The following LONRF1 variants were observed in gnomAD, a reference collection of about 807,000 sequenced individuals.
LONRF1 encodes LON peptidase N-terminal domain and RING finger protein 1.
Under a neutral mutation model 85.8 loss-of-function variants are expected in LONRF1, and 37 were observed. The observed-to-expected ratio is 0.43, with a 90% confidence interval of 0.33 to 0.57. LONRF1 has a LOEUF of 0.57. Among genes scored for constraint, LONRF1 ranks in the 20% least tolerant of loss-of-function variants. The pLI is 0.04. For synonymous variants in LONRF1, 517 were observed against 390.1 expected (o/e 1.33, Z -3.83); for missense variants, 1,036 against 978.0 (o/e 1.06, Z -0.79).
At chr8:12,752,891 T>A (rs1454774355) in intron 1 of LONRF1, 1 of 152,260 alleles carries the variant, frequency 6.6e-6, no homozygotes, top group Non-Finnish European at 1.5e-5. Context: ...AAACATGTGC[T>A]ATAAGGCAGG....
chr8:12,738,071 C>T lies in LONRF1; in HGVS notation c.1037G>A (p.Cys346Tyr), dbSNP rs1165405048. ...AAAATCAAAAGGTCTGTTTTTAGTA[C>T]ATGGTAATGAACTCCAGGAAGATTC... ...LKESSWSSLP[C>Y]TKNRPFDFHS... is the part of the protein sequence containing the mutation. Residue 346 changes from cysteine to tyrosine, a missense_variant, in exon 4 of 12, where the codon TGT (cysteine) becomes TAT (tyrosine). Cys to Tyr is a radical substitution (Grantham distance 194). This residue lies in a region of LONRF1 where 742 missense variants were observed against 614.4 expected (regional missense o/e 1.21). Coordinates refer to ENST00000398246, the MANE Select transcript of LONRF1 (RefSeq NM_152271.5). The T allele has an allele frequency of 1.9e-6, 3 of 1,610,250 alleles. No homozygotes were observed. The highest frequency in any genetic ancestry group is 2.2e-5 in the East Asian group (1 of 44,760).
chr8:12,737,845 G>C, intron 4 of LONRF1, 150 bp downstream of exon 4: 1 of 695,458 alleles, frequency 1.4e-6, no homozygotes, highest in African/African-American at 1.9e-5. Context: ...TTAGTGTAAA[G>C]TAAAGGCTAT....
intron 11 of LONRF1, among the ~76,000 whole-genome samples, chr8:12,724,466 T>C (rs1806074764): frequency 6.6e-6 from 1 of 152,168 alleles, no homozygotes; most frequent in Admixed American, 6.5e-5. Context: ...CTGACTTCTG[T>C]AGGTGACATC....
intron 6 of LONRF1, among the ~76,000 whole-genome samples, chr8:12,736,369 T>C (rs1015038763): frequency 3.9e-5 from 6 of 152,186 alleles, no homozygotes; most frequent in Admixed American, 3.9e-4. Flanking sequence ...ACCATGGAGA[T>C]AGGTAAGTTT....
At chr8:12,736,551 G>GAA (rs1471420007) in intron 6 of LONRF1, 150 bp downstream of exon 6, 9 of 579,370 alleles carry the variant, frequency 1.6e-5, no homozygotes, top group Non-Finnish European at 2.6e-5. Context: ...CCCAAGGCAT[G>GAA]AAAGGTAAAC....
In LONRF1 at chr8:12,722,116, C is replaced by T. The variant is rs2117202757; in HGVS notation, c.*980G>A. On this transcript the variant is annotated 3_prime_UTR_variant, in exon 12 of 12. Transcript: ENST00000398246. Reference sequence around the variant, plus strand: ...ATGAATAAGGCATAACTAACATTTGCACCGAGACCAGAATTAAAAACAAAA... The same window carrying T: ...ATGAATAAGGCATAACTAACATTTGTACCGAGACCAGAATTAAAAACAAAA... 1 of 152,638 alleles carries T rather than the reference C, an allele frequency of 6.6e-6. No homozygotes were observed. The highest frequency in any genetic ancestry group is 2.1e-4 in the South Asian group (1 of 4,822). 9.5% of individuals were successfully genotyped at this position (152,638 alleles called of 1,614,324 possible). A position where few individuals can be genotyped will look rare whatever the true frequency, so the allele number is the denominator to read the frequency against.
chr8:12,731,933 T>A, intron 7 of LONRF1, 76 bp from the exon 8 acceptor site: 1 of 1,341,960 alleles, frequency 7.5e-7, no homozygotes, highest in South Asian at 1.4e-5. Flanking sequence ...TTAACTGATA[T>A]ATTAAAGCCT....
rs1218314543 is a variant in LONRF1 at position 12,755,393 on chromosome 8, A to C, written c.28T>G (p.Ser10Ala). The C allele has an allele frequency of 8.5e-7, 1 of 1,174,176 alleles. No homozygotes were observed. Among genetic ancestry groups the C allele is most frequent in the Non-Finnish European group, 1.1e-6 (1 of 951,130 alleles). The allele number at this position is 1,174,176 out of a possible 1,614,324, so 72.7% of individuals were successfully genotyped here. Residue 10 changes from serine to alanine, a missense_variant, in exon 1 of 12, where the codon TCC becomes GCC. Physicochemically the swap from Ser to Ala is moderately conservative, Grantham distance 99 (BLOSUM62 1). This residue lies in a region of LONRF1 where 742 missense variants were observed against 614.4 expected (regional missense o/e 1.21). Transcript: ENST00000398246. ...GCCATCTCCCGACTCCCTCCTGGGG[A>C]GGTCCTCGCCACCGCCGGAGAGGAC... MSSPAVART[S>A]PGGSREMAPA...
intron 1 of LONRF1, among the ~76,000 whole-genome samples, chr8:12,750,429 T>A (rs187015056): frequency 7.2e-5 from 11 of 152,312 alleles, no homozygotes; most frequent in Admixed American, 3.3e-4. Flanking sequence ...CTTTAATTTA[T>A]AAATTAGGTG....
chr8:12,736,831 A>G (rs1416801778), intron 5 of LONRF1, 34 bp from the exon 6 acceptor site: 9 of 1,585,424 alleles, frequency 5.7e-6, no homozygotes, highest in South Asian at 2.3e-5. Flanking sequence ...TTTCTTCCTT[A>G]GGAAAAACTT....
rs981361924 is a variant in LONRF1, at chr8:12,755,146, C to A, written c.275G>T (p.Cys92Phe). ...GCGGAGCCGGTAGTTGAACACCAGGCAGTCCACCAGGGCGCCCAGGCACTC... is the reference window on the plus strand; with the variant it reads ...GCGGAGCCGGTAGTTGAACACCAGGAAGTCCACCAGGGCGCCCAGGCACTC... Reference protein sequence around the residue: ...RPECLGALVDCLVFNYRLRHG... With the variant: ...RPECLGALVDFLVFNYRLRHG... The change falls in exon 1 of 12, where the codon TGC (cysteine) becomes TTC (phenylalanine). Residue 92 changes from cysteine to phenylalanine, a missense_variant. Cys to Phe is a radical substitution (Grantham distance 205). This residue lies in a region of LONRF1 where 742 missense variants were observed against 614.4 expected (regional missense o/e 1.21). Coordinates refer to ENST00000398246, the MANE Select transcript of LONRF1 (RefSeq NM_152271.5). 5.6e-6 allele frequency: 8 copies of A among 1,437,108 alleles called. No individual in the cohort carries two copies. Among genetic ancestry groups the A allele is most frequent in the Non-Finnish European group, 7.3e-6 (8 of 1,097,818 alleles). 89.0% of individuals were successfully genotyped at this position (1,437,108 alleles called of 1,614,324 possible). A position where few individuals can be genotyped will look rare whatever the true frequency, so the allele number is the denominator to read the frequency against.
chr8:12,741,163 C>A (rs1798920156), intron 2 of LONRF1, among the ~76,000 whole-genome samples, 167 bp from the exon 3 acceptor site: 2 of 152,166 alleles, frequency 1.3e-5, no homozygotes, highest in Admixed American at 1.3e-4. Flanking sequence ...AAAGGTGGAT[C>A]ACTTGAGTTC....
chr8:12,738,227 T>C lies in LONRF1; in HGVS notation c.964-83A>G, dbSNP rs138014949. The C allele has an allele frequency of 5.4e-3, 5,023 of 936,680 alleles. 136 individuals are homozygous for C. The South Asian group carries it at 0.061, about 11-fold the overall frequency. The allele number at this position is 936,680 out of a possible 1,614,324, so 58.0% of individuals were successfully genotyped here. The stretch of plus-strand genomic sequence containing the variant: ...TTGTATAAATTTACCTAATAAAGAA[T>C]ATGTAGAAAGTTTGTAGCAGACATT... On this transcript the variant is annotated intron_variant, in intron 3 of 11. Transcript: ENST00000398246.
rs1380962874 is a variant in LONRF1, at chr8:12,730,417, T to G, written c.1689-1085A>C. ...AAAAGCTCATTTGTATTTTTGAGTT[T>G]TTTTCAAAATGACCATCAATTACTT... On this transcript the variant is annotated intron_variant, in intron 8 of 11. Coordinates refer to ENST00000398246, the MANE Select transcript of LONRF1 (RefSeq NM_152271.5). 2.6e-5 allele frequency among the ~76,000 whole-genome samples: 4 copies of G among 152,216 alleles called. No homozygotes were observed. The East Asian group carries it at 5.8e-4, about 22-fold the overall frequency.
chr8:12,728,821 T>G, intron 10 of LONRF1, 80 bp downstream of exon 10: 1 of 1,515,954 alleles, frequency 6.6e-7, no homozygotes, highest in Non-Finnish European at 9.1e-7. Context: ...TTCATGCACC[T>G]AGAAAATAGC....
rs1453999098 is a variant in LONRF1, at chr8:12,754,365, C to A, written c.721+335G>T. The A allele has an allele frequency of 5.2e-5, 11 of 211,738 alleles. No individual in the cohort carries two copies. In the East Asian group the frequency reaches 1.0e-3, roughly 20 times the overall value. 13.1% of individuals were successfully genotyped at this position (211,738 alleles called of 1,614,324 possible). A position where few individuals can be genotyped will look rare whatever the true frequency, so the allele number is the denominator to read the frequency against. On this transcript the variant is annotated intron_variant, in intron 1 of 11. Coordinates refer to ENST00000398246, the MANE Select transcript of LONRF1 (RefSeq NM_152271.5). ...CGCTCGGGATAGCCCAGCTACCACC[C>A]ATCCCGCGCCGGGGCGGCCTCGGTC...
intron 10 of LONRF1, among the ~76,000 whole-genome samples, chr8:12,728,651 T>G (rs995607274): frequency 6.6e-6 from 1 of 152,214 alleles, no homozygotes; most frequent in Admixed American, 6.5e-5. Context: ...ACATACATTC[T>G]AGGCACTGGG....
Position 12,736,950 on chromosome 8 carries a change from T to C in LONRF1, c.1304A>G (p.Gln435Arg). Residue 435 changes from glutamine to arginine, a missense_variant, in exon 5 of 12, where the codon CAG (glutamine) becomes CGG (arginine). Gln to Arg is a conservative substitution (Grantham distance 43). This residue lies in a region of LONRF1 where 742 missense variants were observed against 614.4 expected (regional missense o/e 1.21). Coordinates refer to ENST00000398246, the MANE Select transcript of LONRF1 (RefSeq NM_152271.5). Reference protein sequence around the residue: ...LLKRKLSLLEQDVIVNEDGRN... With the variant: ...LLKRKLSLLERDVIVNEDGRN... The stretch of plus-strand genomic sequence containing the variant: ...TCCATCTTCATTTACAATCACATCC[T>C]GTTCTAAAAGAGACAACTTTCTTTT... 1.2e-6 allele frequency: 2 copies of C among 1,613,414 alleles called. No individual in the cohort carries two copies. The highest frequency in any genetic ancestry group is 1.3e-5 in the African/African-American group (1 of 75,010).
intron 1 of LONRF1, among the ~76,000 whole-genome samples, chr8:12,748,467 C>A (rs1411891617): frequency 1.3e-5 from 2 of 152,146 alleles, no homozygotes; most frequent in African/African-American, 4.8e-5. Flanking sequence ...AAAGTTTTGG[C>A]ATTATATGCA....
Sources: allele counts gnomAD v4.1 joint callset (sites outside exome capture counted in the v4.1 genomes callset), GRCh38; gene constraint gnomAD v4.1.1; regional missense constraint gnomAD v4.1.1; transcripts MANE v1.5; gene names NCBI Gene and HGNC (gene_info 2026-07-23, HGNC 2026-07-21).